SLC7A5: variants seen among roughly 807,000 people sequenced by gnomAD.
The protein encoded by SLC7A5 is large neutral amino acids transporter small subunit 1.
Under a neutral mutation model 50.2 loss-of-function variants are expected in SLC7A5, and 23 were observed. That is an observed-to-expected ratio of 0.46 (90% CI 0.33 to 0.65). The LOEUF (loss-of-function observed/expected upper bound fraction) is 0.65. SLC7A5 is among the 30% of genes least tolerant of loss of function. The pLI, the probability that SLC7A5 is intolerant of heterozygous loss-of-function variation, is 0.02. For synonymous variants in SLC7A5, 393 were observed against 330.6 expected, an observed-to-expected ratio of 1.19 and a Z score of -2.05; for missense variants, 578 against 684.4, an observed-to-expected ratio of 0.84 and a Z score of 1.73.
chr16:87,868,353 G>C (rs2055489612), intron 1 of SLC7A5, among the ~76,000 whole-genome samples: 1 of 152,026 alleles, frequency 6.6e-6, no homozygotes, highest in Non-Finnish European at 1.5e-5. Context: ...GCCTAAATCA[G>C]CACCAGTCAC....
chr16:87,839,584 G>T, intron 5 of SLC7A5, 118 bp downstream of exon 5: 3 of 1,469,212 alleles, frequency 2.0e-6, no homozygotes, highest in Non-Finnish European at 1.9e-6. Context: ...GCTTAGAGAC[G>T]CGGGGCCCCC....
At chr16:87,836,689 G>C in intron 7 of SLC7A5, 42 bp from the exon 8 acceptor site, 1 of 1,605,452 alleles carries the variant, frequency 6.2e-7, no homozygotes, top group Non-Finnish European at 8.5e-7. Flanking sequence ...GGGCCCACGA[G>C]CAGGGCTGTG....
chr16:87,851,307 T>G (rs1597506256), intron 2 of SLC7A5, among the ~76,000 whole-genome samples: 1 of 150,416 alleles, frequency 6.6e-6, no homozygotes, highest in African/African-American at 2.5e-5. Context: ...CCGTCGGGGG[T>G]GGGTGAGGGG....
chr16:87,853,555 A>C lies in SLC7A5; in HGVS notation c.539-1706T>G, dbSNP rs2055266263. Among the ~76,000 whole-genome samples the C allele has an allele frequency of 2.0e-5, 3 of 152,196 alleles. No individual in the cohort carries two copies. The South Asian group carries it at 6.2e-4, about 31-fold the overall frequency. ...TCCAGAGCTCTCCAGTCCAACCCTC[A>C]GGGCTCAGCAGGGTCAGGTCAGTGG... On this transcript the variant is annotated intron_variant, in intron 1 of 9. Transcript: ENST00000261622. The surrounding 1 kb of genome is among the most constrained non-coding windows in gnomAD (Gnocchi z 4.4).
intron 8 of SLC7A5, among the ~76,000 whole-genome samples, chr16:87,835,227 G>A (rs1376061132): frequency 6.6e-6 from 1 of 152,250 alleles, no homozygotes; most frequent in Non-Finnish European, 1.5e-5. Flanking sequence ...ATCAGTGTGG[G>A]CTGCATGACT....
intron 8 of SLC7A5, among the ~76,000 whole-genome samples, chr16:87,836,180 C>T (rs985082555): frequency 1.3e-5 from 2 of 152,242 alleles, no homozygotes; most frequent in Non-Finnish European, 2.9e-5. Flanking sequence ...GCGCCAGGCC[C>T]GGCTCTGCCC....
chr16:87,843,281 G>A (rs1463383554), intron 2 of SLC7A5, among the ~76,000 whole-genome samples: 1 of 148,060 alleles, frequency 6.8e-6, no homozygotes, highest in African/African-American at 2.5e-5. Flanking sequence ...ACAATATACC[G>A]AGGCTTGACA....
rs974006022 is a variant in SLC7A5, at chr16:87,853,046, C to T, written c.539-1197G>A. ...CACAGCTCAGATCTCACAGCCCTCC[C>T]GGCACCGCACCACTAAGACTGCAGG... On this transcript the variant is annotated intron_variant, in intron 1 of 9. Transcript: ENST00000261622. The surrounding 1 kb of genome is among the most constrained non-coding windows in gnomAD (Gnocchi z 4.4). Among the ~76,000 whole-genome samples the T allele has an allele frequency of 3.9e-5, 6 of 152,320 alleles. No homozygotes were observed. Among genetic ancestry groups the T allele is most frequent in the South Asian group, 2.1e-4 (1 of 4,828 alleles).
At chr16:87,844,033 G>A (rs1179530631) in intron 2 of SLC7A5, among the ~76,000 whole-genome samples, 1 of 150,756 alleles carries the variant, frequency 6.6e-6, no homozygotes, top group Non-Finnish European at 1.5e-5. Context: ...CTGACAGTCT[G>A]CTATCCAGTC....
intron 2 of SLC7A5, among the ~76,000 whole-genome samples, chr16:87,850,191 CGTGCTGG>C (rs1261125973): frequency 6.6e-6 from 1 of 152,214 alleles, no homozygotes; most frequent in Non-Finnish European, 1.5e-5. Context: ...GCTAAAGCTG[CGTGCTGG>C]GTGCTGGGTG....
rs757769880 is a variant in SLC7A5 at position 87,861,396 on chromosome 16, C to G, written c.538+7489G>C. 6.6e-6 allele frequency among the ~76,000 whole-genome samples: 1 copy of G among 152,186 alleles called. No homozygotes were observed. The highest frequency in any genetic ancestry group is 1.5e-5 in the Non-Finnish European group (1 of 68,008). On this transcript the variant is annotated intron_variant, in intron 1 of 9. Coordinates refer to ENST00000261622, the MANE Select transcript of SLC7A5 (RefSeq NM_003486.7). This position sits in a 1 kb window ranked among gnomAD's most constrained non-coding sequence, Gnocchi z 4.2. ...CACCTCCCCAGACCCCTGGCACCCA[C>G]CAGACTCCCCAGGCGTGGCTTTGTG...
rs2055254478 is a variant in SLC7A5 at position 87,852,786 on chromosome 16, T to G, written c.539-937A>C. Among the ~76,000 whole-genome samples, 1 of 151,874 alleles carries G rather than the reference T, an allele frequency of 6.6e-6. No individual in the cohort carries two copies. Among genetic ancestry groups the G allele is most frequent in the Non-Finnish European group, 1.5e-5 (1 of 67,948 alleles). The stretch of plus-strand genomic sequence containing the variant: ...GTTCTGTTGCAATATGTGCGCACGC[T>G]GAGCCACTATTCAGGGATCTGTGAG... On this transcript the variant is annotated intron_variant, in intron 1 of 9. Transcript: ENST00000261622. The surrounding 1 kb of genome is among the most constrained non-coding windows in gnomAD (Gnocchi z 4.5).
chr16:87,832,021 A>G lies in SLC7A5; in HGVS notation c.*949T>C, dbSNP rs1005078893. 1.3e-5 allele frequency: 2 copies of G among 152,524 alleles called. No individual in the cohort carries two copies. The highest frequency in any genetic ancestry group is 2.4e-5 in the African/African-American group (1 of 41,458). The allele number at this position is 152,524 out of a possible 1,614,324, so 9.4% of individuals were successfully genotyped here. A position where few individuals can be genotyped will look rare whatever the true frequency, so the allele number is the denominator to read the frequency against. On this transcript the variant is annotated 3_prime_UTR_variant, in exon 10 of 10. Coordinates refer to ENST00000261622, the MANE Select transcript of SLC7A5 (RefSeq NM_003486.7). This position sits in a 1 kb window ranked among gnomAD's most constrained non-coding sequence, Gnocchi z 4.6. ...GGGCTGCCGGGCGGTACAGAGGCCAATGCATTGGAGGCTGAGGGTAGCTGC... is the reference window on the plus strand; with the variant it reads ...GGGCTGCCGGGCGGTACAGAGGCCAGTGCATTGGAGGCTGAGGGTAGCTGC...
intron 1 of SLC7A5, among the ~76,000 whole-genome samples, chr16:87,863,033 T>C (rs2055418363): frequency 1.3e-5 from 2 of 152,178 alleles, no homozygotes; most frequent in African/African-American, 4.8e-5. Flanking sequence ...TGGGACTGTC[T>C]CAGCAGCCCC....
intron 1 of SLC7A5, among the ~76,000 whole-genome samples, chr16:87,856,950 G>C (rs373123772): frequency 6.6e-6 from 1 of 152,202 alleles, no homozygotes; most frequent in Non-Finnish European, 1.5e-5. Context: ...TGGTGCTGCC[G>C]GCCTGGGGAG....
chr16:87,837,479 C>A (rs1023515135), intron 7 of SLC7A5: 1 of 280,454 alleles, frequency 3.6e-6, no homozygotes. Context: ...CGGGCTGGCA[C>A]GGAAAGATGC....
At chr16:87,846,814 A>G (rs112362093) in intron 2 of SLC7A5, among the ~76,000 whole-genome samples, 6,007 of 152,312 alleles carry the variant, frequency 0.039, 372 homozygotes, top group African/African-American at 0.13. Context: ...AGCGGCAGTC[A>G]GGGCGTGAGG....
chr16:87,832,558 T>C lies in SLC7A5; in HGVS notation c.*412A>G, dbSNP rs1183198259. On this transcript the variant is annotated 3_prime_UTR_variant, in exon 10 of 10. Coordinates refer to ENST00000261622, the MANE Select transcript of SLC7A5 (RefSeq NM_003486.7). This position sits in a 1 kb window ranked among gnomAD's most constrained non-coding sequence, Gnocchi z 4.6. ...GTAGCAATGAGGTTCCAAGTCTCAG[T>C]AGCTCTGTTTGCCCAGGGTCTGGGC... 2 of 155,432 alleles carry C rather than the reference T, an allele frequency of 1.3e-5. No homozygotes were observed. The highest frequency in any genetic ancestry group is 2.9e-5 in the Non-Finnish European group (2 of 70,102). The allele number at this position is 155,432 out of a possible 1,614,324, so 9.6% of individuals were successfully genotyped here. A position where few individuals can be genotyped will look rare whatever the true frequency, so the allele number is the denominator to read the frequency against.
In SLC7A5 at chr16:87,853,914, G is replaced by C. The variant is rs923879167; in HGVS notation, c.539-2065C>G. On this transcript the variant is annotated intron_variant, in intron 1 of 9. Coordinates refer to ENST00000261622, the MANE Select transcript of SLC7A5 (RefSeq NM_003486.7). This position sits in a 1 kb window ranked among gnomAD's most constrained non-coding sequence, Gnocchi z 4.4. ...CACTGCCCTCGCGGCTGTCACGTCTGCGGCTGTCACGTCTGCTAGGGGGTT... is the reference window on the plus strand; with the variant it reads ...CACTGCCCTCGCGGCTGTCACGTCTCCGGCTGTCACGTCTGCTAGGGGGTT... 2 of 108,396 alleles carry C rather than the reference G, an allele frequency of 1.8e-5. No homozygotes were observed. Among genetic ancestry groups the C allele is most frequent in the Non-Finnish European group, 4.6e-5 (2 of 43,870 alleles). 6.7% of individuals were successfully genotyped at this position (108,396 alleles called of 1,614,324 possible). A position where few individuals can be genotyped will look rare whatever the true frequency, so the allele number is the denominator to read the frequency against.
Sources: gnomAD v4.1 joint callset for allele counts (sites outside exome capture counted in the v4.1 genomes callset) on GRCh38, gnomAD v4.1.1 for gene constraint, Gnocchi (gnomAD v3.1) non-coding constraint, MANE v1.5 for transcripts, NCBI Gene and HGNC (gene_info 2026-07-23, HGNC 2026-07-21) for gene names.